Variants in RMI1 observed in about 807,000 individuals in gnomAD.
RMI1 encodes the protein recQ-mediated genome instability protein 1.
A neutral mutation model predicts 46.7 loss-of-function variants in RMI1; 36 were observed. That is an observed-to-expected ratio of 0.77 (90% CI 0.59 to 1.02). The LOEUF is 1.02. RMI1 is among the 50% of genes least tolerant of loss of function. RMI1 has a pLI of 0.00. For missense variants in RMI1, 676 were observed against 713.7 expected (o/e 0.95, Z 0.60); for synonymous variants, 250 against 252.9 (o/e 0.99, Z 0.11).
chr9:83,997,444 G>T (rs1381694107), intron 1 of RMI1, among the ~76,000 whole-genome samples: 1 of 151,068 alleles, frequency 6.6e-6, no homozygotes, highest in Non-Finnish European at 1.5e-5. Flanking sequence ...AAAAAAGAAA[G>T]AAATTATTTG....
In RMI1 at chr9:84,002,418, A is replaced by G. The variant is rs750856731; in HGVS notation, c.1432A>G (p.Ile478Val). 4 of 1,613,594 alleles carry G rather than the reference A, an allele frequency of 2.5e-6. No homozygotes were observed. In the African/African-American group the frequency reaches 4.0e-5, roughly 16 times the overall value. The change falls in exon 3 of 3, where the codon ATT becomes GTT. Residue 478 changes from isoleucine (I) to valine (V), a missense_variant. Coordinates refer to ENST00000445877, the MANE Select transcript of RMI1 (RefSeq NM_001358291.2). ...SCSLRSSENS[I>V]NLSIAMDLYS... ...TTCTTTAAGATCATCAGAGAATAGC[A>G]TTAATCTTTCTATTGCCATGGATTT... is the stretch of plus-strand genomic sequence containing the variant.
intron 1 of RMI1, chr9:83,992,880 A>G (rs1957594746): frequency 6.6e-6 from 1 of 151,992 alleles, no homozygotes; most frequent in Non-Finnish European, 1.5e-5. Flanking sequence ...TCTCTCTTCC[A>G]TCTTTTTCTC....
At chr9:83,984,692 G>C (rs1220534290) in intron 1 of RMI1, among the ~76,000 whole-genome samples, 1 of 151,860 alleles carries the variant, frequency 6.6e-6, no homozygotes, top group Non-Finnish European at 1.5e-5. Flanking sequence ...CTCCCTAGTA[G>C]CTGGGATTAC....
chr9:83,983,359 C>G (rs1957446765), intron 1 of RMI1, among the ~76,000 whole-genome samples: 1 of 152,132 alleles, frequency 6.6e-6, no homozygotes, highest in Non-Finnish European at 1.5e-5. Context: ...CCTCTGATTA[C>G]TTCTTCTAAT....
Position 84,002,890 on chromosome 9 carries a change from AT to A in RMI1, c.*28del. Reference sequence around the variant, plus strand: ...TTAAACTAAAATAGTATTAGGAACAATTAAAAACAACAAGGAAATATTTAGA... The same window carrying A: ...TTAAACTAAAATAGTATTAGGAACAATAAAAACAACAAGGAAATATTTAGA... On this transcript the variant is annotated 3_prime_UTR_variant, in exon 3 of 3. Coordinates refer to ENST00000445877, the MANE Select transcript of RMI1 (RefSeq NM_001358291.2). The A allele has an allele frequency of 7.9e-7, 1 of 1,272,756 alleles. No homozygotes were observed. The highest frequency in any genetic ancestry group is 1.1e-6 in the Non-Finnish European group (1 of 923,154). 78.8% of individuals were successfully genotyped at this position (1,272,756 alleles called of 1,614,324 possible).
At chr9:83,998,638 T>A (rs972271034) in intron 1 of RMI1, among the ~76,000 whole-genome samples, 1 of 152,244 alleles carries the variant, frequency 6.6e-6, no homozygotes, top group Non-Finnish European at 1.5e-5. Flanking sequence ...AGACATGTGC[T>A]GCATTTCTTT....
chr9:83,996,463 A>G (rs1052078114), intron 1 of RMI1, among the ~76,000 whole-genome samples: 2 of 152,172 alleles, frequency 1.3e-5, no homozygotes, highest in Non-Finnish European at 2.9e-5. Flanking sequence ...GCACGGCTTT[A>G]GTGCCCACTT....
chr9:83,982,678 AC>A (rs1237193441), intron 1 of RMI1, among the ~76,000 whole-genome samples: 1 of 150,564 alleles, frequency 6.6e-6, no homozygotes, highest in Non-Finnish European at 1.5e-5. Context: ...AAAAACAAAA[AC>A]AAAAACAAAA....
intron 1 of RMI1, among the ~76,000 whole-genome samples, chr9:83,982,790 T>C (rs912430516): frequency 3.9e-5 from 6 of 152,272 alleles, no homozygotes; most frequent in Admixed American, 2.6e-4. Context: ...TTGCTATTTT[T>C]CCCCCCATTT....
chr9:83,982,350 CAAGT>C (rs372624560), intron 1 of RMI1, among the ~76,000 whole-genome samples: 29 of 152,248 alleles, frequency 1.9e-4, no homozygotes, highest in African/African-American at 7.0e-4. Context: ...GTGGGAATCA[CAAGT>C]AAGCAGCCCT....
chr9:83,990,099 T>C (rs759621396), intron 1 of RMI1, among the ~76,000 whole-genome samples: 4 of 152,214 alleles, frequency 2.6e-5, no homozygotes, highest in Non-Finnish European at 4.4e-5. Context: ...ATGTTGCATG[T>C]TCTCACTCTT....
At chr9:83,983,561 A>G (rs2133098477) in intron 1 of RMI1, among the ~76,000 whole-genome samples, 2 of 152,300 alleles carry the variant, frequency 1.3e-5, no homozygotes, top group South Asian at 4.1e-4. Flanking sequence ...TATTGTCAGA[A>G]TGACACACGT....
In RMI1 at chr9:83,987,211, T is replaced by C. The variant is rs1313539223; in HGVS notation, c.-126+6320T>C. Among the ~76,000 whole-genome samples the C allele has an allele frequency of 4.6e-5, 7 of 152,074 alleles. No individual in the cohort carries two copies. In the East Asian group the frequency reaches 1.3e-3, roughly 29 times the overall value. On this transcript the variant is annotated intron_variant, in intron 1 of 2. Coordinates refer to ENST00000445877, the MANE Select transcript of RMI1 (RefSeq NM_001358291.2). The stretch of plus-strand genomic sequence containing the variant: ...CTGAGTAGCTGGAATTACAAGCACG[T>C]GCCACCACGCCCAGCTAATTTTTGT...
chr9:84,000,576 C>T (rs1588472953), intron 2 of RMI1, among the ~76,000 whole-genome samples: 1 of 152,166 alleles, frequency 6.6e-6, no homozygotes, highest in East Asian at 1.9e-4. Flanking sequence ...CTACTGTTTA[C>T]TGAATATCCT....
At chr9:83,998,383 C>G (rs891870008) in intron 1 of RMI1, among the ~76,000 whole-genome samples, 15 of 152,258 alleles carry the variant, frequency 9.9e-5, no homozygotes, top group African/African-American at 3.6e-4. Context: ...AATGTACCCA[C>G]TGTTTATAGG....
At chr9:83,997,043 C>T (rs973252945) in intron 1 of RMI1, among the ~76,000 whole-genome samples, 22 of 150,434 alleles carry the variant, frequency 1.5e-4, no homozygotes, top group Admixed American at 3.3e-4. Context: ...TGGATTCCCC[C>T]CCCCTTTTTT....
intron 1 of RMI1, among the ~76,000 whole-genome samples, chr9:83,998,486 A>G (rs143903167): frequency 1.3e-5 from 2 of 152,330 alleles, no homozygotes; most frequent in East Asian, 3.9e-4. Flanking sequence ...ACTATGTGCT[A>G]GGACAGAAGT....
chr9:83,985,779 C>A (rs748912540), intron 1 of RMI1, among the ~76,000 whole-genome samples: 45 of 152,270 alleles, frequency 3.0e-4, no homozygotes, highest in Non-Finnish European at 5.4e-4. Flanking sequence ...GAGGCCGAGG[C>A]GGGTGGATCA....
chr9:84,001,604 AC>A lies in RMI1; in HGVS notation c.619del (p.Ala208GlnfsTer3). On this transcript the variant is annotated frameshift_variant, in exon 3 of 3. Coordinates refer to ENST00000445877, the MANE Select transcript of RMI1 (RefSeq NM_001358291.2). LOFTEE classifies it high-confidence loss of function. ...LLEEYAQEKV[L>X]ARLIGEPDLV... ...TAGAAGAATATGCCCAAGAAAAAGT[AC>A]TTGCAAGATTAATAGGGGAACCTGA... is the stretch of plus-strand genomic sequence containing the variant. 4 of 1,614,064 alleles carry A rather than the reference AC, an allele frequency of 2.5e-6. No individual in the cohort carries two copies. The highest frequency in any genetic ancestry group is 3.4e-6 in the Non-Finnish European group (4 of 1,179,994).
Sources: gnomAD v4.1 joint callset for allele counts (sites outside exome capture counted in the v4.1 genomes callset) on GRCh38, gnomAD v4.1.1 for gene constraint, MANE v1.5 for transcripts, NCBI Gene and HGNC (gene_info 2026-07-23, HGNC 2026-07-21) for gene names.